Variants in CX3CR1 observed in about 807,000 individuals in gnomAD.
The protein encoded by CX3CR1 is C-X3-C motif chemokine receptor 1, also known as CX3C chemokine receptor 1.
For synonymous variants in CX3CR1, 168 were observed against 178.5 expected, an observed-to-expected ratio of 0.94 and a Z score of 0.47; for missense variants, 363 against 432.4, an observed-to-expected ratio of 0.84 and a Z score of 1.42.
chr3:39,276,003 G>A (rs961454403), intron 1 of CX3CR1, among the ~76,000 whole-genome samples: 1 of 152,126 alleles, frequency 6.6e-6, no homozygotes, highest in Non-Finnish European at 1.5e-5. Flanking sequence ...GATGGAGGTG[G>A]CAGTGAATAG....
chr3:39,266,703 C>T lies in CX3CR1; in HGVS notation c.-9-185G>A, dbSNP rs374151660. On this transcript the variant is annotated intron_variant, in intron 1 of 1. Coordinates refer to ENST00000399220, the MANE Select transcript of CX3CR1 (RefSeq NM_001337.4). Reference sequence around the variant, plus strand: ...AACAGTCTTGTGATGAAGACTGCAACAGACTCTTCTGACAGGAGAGGCGGA... The same window carrying T: ...AACAGTCTTGTGATGAAGACTGCAATAGACTCTTCTGACAGGAGAGGCGGA... The T allele has an allele frequency of 7.8e-6, 6 of 769,790 alleles. No homozygotes were observed. In the African/African-American group the frequency reaches 1.0e-4, roughly 13 times the overall value. 47.7% of individuals were successfully genotyped at this position (769,790 alleles called of 1,614,324 possible).
At chr3:39,267,702 G>T (rs930073819) in intron 1 of CX3CR1, among the ~76,000 whole-genome samples, 1 of 152,340 alleles carries the variant, frequency 6.6e-6, no homozygotes, top group African/African-American at 2.4e-5. Context: ...ATGGGGCTCC[G>T]TTAGTCTGCT....
At chr3:39,266,864 C>T (rs2040708303) in intron 1 of CX3CR1, among the ~76,000 whole-genome samples, 1 of 151,984 alleles carries the variant, frequency 6.6e-6, no homozygotes, top group Admixed American at 6.5e-5. Context: ...CTCACTGCAA[C>T]CTCTGTCCCC....
upstream of CX3CR1, chr3:39,280,465 T>A (rs2040883141): frequency 1.0e-6 from 1 of 985,326 alleles, no homozygotes; most frequent in Non-Finnish European, 1.2e-6. Context: ...GGGAGCTTAT[T>A]AAAGACAGCA....
chr3:39,284,381 C>T (rs1212349249), upstream of CX3CR1, among the ~76,000 whole-genome samples: 2 of 152,132 alleles, frequency 1.3e-5, no homozygotes, highest in African/African-American at 4.8e-5. Flanking sequence ...AGGCTGGTCA[C>T]GAACTCCTGA....
intron 1 of CX3CR1, among the ~76,000 whole-genome samples, chr3:39,274,481 CAA>C (rs10663570): frequency 1.1e-5 from 1 of 88,296 alleles, no homozygotes; most frequent in Non-Finnish European, 2.2e-5. Context: ...CAACCACCAC[CAA>C]AAAAAAAAAA....
the CX3CR1 span, among the ~76,000 whole-genome samples, chr3:39,288,886 C>T: frequency 9.2e-5 from 14 of 152,272 alleles, no homozygotes; most frequent in Admixed American, 9.2e-4. Context: ...CAGGGCAGGC[C>T]GGGCACAGTG....
At chr3:39,285,566 A>G (rs757943718), upstream of CX3CR1, among the ~76,000 whole-genome samples, 1 of 152,222 alleles carries the variant, frequency 6.6e-6, no homozygotes, top group African/African-American at 2.4e-5. Flanking sequence ...AGCAAACAGG[A>G]TCTGGCAAGG....
chr3:39,284,686 T>C (rs1226478742), upstream of CX3CR1, among the ~76,000 whole-genome samples: 1 of 152,268 alleles, frequency 6.6e-6, no homozygotes, highest in Non-Finnish European at 1.5e-5. Context: ...TCTTTTTTAC[T>C]TTCACTTTCT....
At chr3:39,290,726 C>G in the CX3CR1 span, among the ~76,000 whole-genome samples, 1 of 152,036 alleles carries the variant, frequency 6.6e-6, no homozygotes. Flanking sequence ...TTGAGACCAG[C>G]CTGGCCAACA....
the CX3CR1 span, among the ~76,000 whole-genome samples, chr3:39,291,138 C>A: frequency 6.6e-6 from 1 of 151,388 alleles, no homozygotes; most frequent in Middle Eastern, 3.4e-3. Flanking sequence ...CTCACTGGAA[C>A]CTCCACCTCC....
intron 1 of CX3CR1, among the ~76,000 whole-genome samples, chr3:39,269,670 T>TC (rs1324880131): frequency 1.3e-5 from 2 of 152,196 alleles, no homozygotes; most frequent in African/African-American, 2.4e-5. Flanking sequence ...CTCCCTGCCA[T>TC]CCAGGGGGTC....
chr3:39,266,590 A>G, intron 1 of CX3CR1, 72 bp from the exon 2 acceptor site: 1 of 1,442,458 alleles, frequency 6.9e-7, no homozygotes, highest in Non-Finnish European at 9.8e-7. Flanking sequence ...GTGTGGCCTC[A>G]TATGTAGGCA....
chr3:39,268,514 C>T (rs1027167508), intron 1 of CX3CR1, among the ~76,000 whole-genome samples: 2 of 152,166 alleles, frequency 1.3e-5, no homozygotes, highest in African/African-American at 4.8e-5. Context: ...TAAAAATAGT[C>T]AAGTCCTTGG....
At chr3:39,266,801 T>A (rs1043198470) in intron 1 of CX3CR1, 14 of 476,440 alleles carry the variant, frequency 2.9e-5, no homozygotes, top group Non-Finnish European at 3.6e-5. Flanking sequence ...TTTTTTTTTT[T>A]AAATGGAGTC....
At chr3:39,272,033 C>T (rs34808142) in intron 1 of CX3CR1, among the ~76,000 whole-genome samples, 2,851 of 152,248 alleles carry the variant, frequency 0.019, 66 homozygotes, top group East Asian at 0.12. Context: ...TTTCCTTTGT[C>T]CCTGAGGGAC....
At chr3:39,285,253 C>T (rs1009636372), upstream of CX3CR1, among the ~76,000 whole-genome samples, 4 of 150,698 alleles carry the variant, frequency 2.7e-5, no homozygotes, top group Non-Finnish European at 1.5e-5. Context: ...ATGGTGGTGC[C>T]GACCTGTAGT....
chr3:39,268,281 C>T (rs1182107431), intron 1 of CX3CR1, among the ~76,000 whole-genome samples: 1 of 152,200 alleles, frequency 6.6e-6, no homozygotes, highest in Admixed American at 6.5e-5. Context: ...GCTTTCTCTG[C>T]TTCAGGCTAC....
At chr3:39,281,756 C>G (rs925877678), upstream of CX3CR1, 1 of 1,275,496 alleles carries the variant, frequency 7.8e-7, no homozygotes, top group Non-Finnish European at 1.1e-6. Flanking sequence ...CTACTGTGCT[C>G]TCACCACTTC....
Sources: allele counts gnomAD v4.1 joint callset (sites outside exome capture counted in the v4.1 genomes callset), GRCh38; gene constraint gnomAD v4.1.1; transcripts MANE v1.5; gene names NCBI Gene and HGNC (gene_info 2026-07-23, HGNC 2026-07-21).